ANKS1B: variants seen among roughly 807,000 people sequenced by gnomAD.
The protein encoded by ANKS1B is ankyrin repeat and sterile alpha motif domain containing 1B, also known as ankyrin repeat and sterile alpha motif domain-containing protein 1B.
In ANKS1B, 36 loss-of-function variants were observed where a neutral mutation model predicts 148.3. The observed-to-expected ratio is 0.24, with a 90% CI of 0.19 to 0.32. ANKS1B has a LOEUF of 0.32. Ranked by LOEUF, ANKS1B falls within the 10% of genes least tolerant of loss-of-function variation. ANKS1B has a pLI of 1.00. For missense variants in ANKS1B, 1,157 were observed against 1,542.6 expected (o/e 0.75, Z 4.19); for synonymous variants, 542 against 560.8 (o/e 0.97, Z 0.47).
At position 98,744,017 on chromosome 12, in the gene ANKS1B, G is replaced by T. The variant is rs974210274; in HGVS notation, c.*1722C>A. 33 of 983,786 alleles carry T rather than the reference G, an allele frequency of 3.4e-5. 1 individual carries two copies. The Admixed American group carries it at 1.8e-3, about 55-fold the overall frequency. The allele number at this position is 983,786 out of a possible 1,614,324, so 60.9% of individuals were successfully genotyped here. ...TTATTTTTGTGTGCTTTTTTTATAG[G>T]ATATAAATAATGACAAAAATTACAA... On this transcript the variant is annotated 3_prime_UTR_variant, in exon 27 of 27. Transcript: ENST00000683438.
intron 15 of ANKS1B, among the ~76,000 whole-genome samples, chr12:99,151,076 C>T (rs1466927591): frequency 6.6e-6 from 1 of 152,064 alleles, no homozygotes; most frequent in Admixed American, 6.6e-5. Context: ...AAACTATGTG[C>T]ACAACTATTC....
At chr12:99,233,769 AG>A (rs1796858300) in intron 14 of ANKS1B, among the ~76,000 whole-genome samples, 1 of 152,162 alleles carries the variant, frequency 6.6e-6, no homozygotes, top group African/African-American at 2.4e-5. Flanking sequence ...TTGGGGTGGT[AG>A]GAAAAAGAGG....
chr12:99,920,309 C>G (rs143143038), intron 1 of ANKS1B, among the ~76,000 whole-genome samples: 35 of 152,222 alleles, frequency 2.3e-4, no homozygotes, highest in African/African-American at 7.7e-4. Context: ...CTCTGTGGTA[C>G]TTTCTAACAC....
chr12:99,255,420 A>G (rs1373165972), intron 12 of ANKS1B, among the ~76,000 whole-genome samples: 1 of 152,154 alleles, frequency 6.6e-6, no homozygotes, highest in East Asian at 1.9e-4. Flanking sequence ...AGTGTCACCA[A>G]TGATTCCATT....
At chr12:99,033,229 G>T (rs2099953400) in intron 17 of ANKS1B, among the ~76,000 whole-genome samples, 2 of 152,132 alleles carry the variant, frequency 1.3e-5, no homozygotes, top group Admixed American at 1.3e-4. Context: ...GTATAGTGAG[G>T]ATTAAAAACT....
intron 1 of ANKS1B, among the ~76,000 whole-genome samples, chr12:99,828,290 A>G (rs191426636): frequency 8.7e-4 from 132 of 152,284 alleles, no homozygotes; most frequent in African/African-American, 2.9e-3. Flanking sequence ...GCCTTCATCA[A>G]CTTCTGTGAT....
intron 17 of ANKS1B, among the ~76,000 whole-genome samples, chr12:98,969,744 G>C (rs928203433): frequency 6.6e-6 from 1 of 152,074 alleles, no homozygotes; most frequent in Admixed American, 6.6e-5. Context: ...GCATTTCTGG[G>C]AATTATTGTG....
chr12:99,387,547 C>G (rs74538248), intron 12 of ANKS1B, among the ~76,000 whole-genome samples: 3 of 151,786 alleles, frequency 2.0e-5, no homozygotes, highest in Non-Finnish European at 4.4e-5. Context: ...ACCCCGGAGG[C>G]GGAGATTGCG....
chr12:99,263,867 A>G (rs1159968081), intron 12 of ANKS1B, among the ~76,000 whole-genome samples: 3 of 152,144 alleles, frequency 2.0e-5, no homozygotes, highest in African/African-American at 7.2e-5. Context: ...TCTTTTCTTT[A>G]TAAGTTACCC....
At chr12:99,060,375 G>C (rs1441911585) in intron 16 of ANKS1B, among the ~76,000 whole-genome samples, 2 of 152,016 alleles carry the variant, frequency 1.3e-5, no homozygotes, top group Non-Finnish European at 2.9e-5. Context: ...GAGGGGGTCA[G>C]CTACGGGGCA....
At chr12:98,993,148 T>C (rs1477936514) in intron 17 of ANKS1B, among the ~76,000 whole-genome samples, 1 of 152,178 alleles carries the variant, frequency 6.6e-6, no homozygotes, top group Non-Finnish European at 1.5e-5. Flanking sequence ...CATAGTTGAT[T>C]CTTTTTTTAA....
At chr12:99,125,830 A>G (rs918746197) in intron 15 of ANKS1B, among the ~76,000 whole-genome samples, 2 of 152,158 alleles carry the variant, frequency 1.3e-5, no homozygotes, top group African/African-American at 4.8e-5. Context: ...AAAAAAAATT[A>G]AGGTCTGATA....
chr12:99,178,309 CT>C (rs1433153060), intron 14 of ANKS1B, among the ~76,000 whole-genome samples: 1 of 152,218 alleles, frequency 6.6e-6, no homozygotes, highest in African/African-American at 2.4e-5. Context: ...TCAACAATAT[CT>C]TTTTACCACG....
At chr12:98,792,014 C>A (rs2098872096) in intron 22 of ANKS1B, among the ~76,000 whole-genome samples, 1 of 152,156 alleles carries the variant, frequency 6.6e-6, no homozygotes, top group South Asian at 2.1e-4. Flanking sequence ...AATACTTCAA[C>A]TAGGGCATGG....
At chr12:99,005,082 C>T (rs1381348870) in intron 17 of ANKS1B, among the ~76,000 whole-genome samples, 1 of 152,162 alleles carries the variant, frequency 6.6e-6, no homozygotes, top group Non-Finnish European at 1.5e-5. Flanking sequence ...TAAAAAGTCC[C>T]TTGCTGTAAC....
intron 14 of ANKS1B, among the ~76,000 whole-genome samples, chr12:99,239,941 C>T (rs1032052839): frequency 2.0e-5 from 3 of 152,136 alleles, no homozygotes; most frequent in Admixed American, 6.6e-5. Flanking sequence ...AAGGAACAAC[C>T]GGTACCAGCC....
chr12:98,987,232 T>C (rs1054008974), intron 17 of ANKS1B, among the ~76,000 whole-genome samples: 4 of 151,242 alleles, frequency 2.6e-5, no homozygotes, highest in Non-Finnish European at 4.4e-5. Context: ...GATAAGAAGT[T>C]TGAGCAATAA....
intron 12 of ANKS1B, among the ~76,000 whole-genome samples, chr12:99,348,754 G>C (rs900825798): frequency 2.0e-5 from 3 of 151,890 alleles, no homozygotes; most frequent in Non-Finnish European, 1.5e-5. Context: ...AGGTGAAGGA[G>C]TTTTTCACTA....
chr12:99,646,972 T>C (rs2098375709), intron 9 of ANKS1B, among the ~76,000 whole-genome samples: 3 of 151,342 alleles, frequency 2.0e-5, no homozygotes, highest in South Asian at 4.2e-4. Context: ...ATAAAATTTA[T>C]CATGGCTATA....
Sources: allele counts gnomAD v4.1 joint callset (sites outside exome capture counted in the v4.1 genomes callset), GRCh38; gene constraint gnomAD v4.1.1; transcripts MANE v1.5; gene names NCBI Gene and HGNC (gene_info 2026-07-23, HGNC 2026-07-21).